Variants in TBC1D5 observed in about 807,000 individuals in gnomAD.
The protein encoded by TBC1D5 is TBC1 domain family, member 5.
TBC1D5 carries 75 observed loss-of-function variants against 100.3 expected under a neutral mutation model. The observed-to-expected ratio is 0.75, with a 90% CI of 0.62 to 0.91. The LOEUF is 0.91. Ranked by LOEUF, TBC1D5 falls within the 40% of genes least tolerant of loss-of-function variation. The probability of loss-of-function intolerance (pLI) is 0.00; values close to 1 mark genes in which losing one functional copy is unlikely to be tolerated. For missense variants in TBC1D5, 910 were observed against 942.4 expected (o/e 0.97, Z 0.45); for synonymous variants, 323 against 325.6 (o/e 0.99, Z 0.09).
chr3:17,243,991 G>GT (rs2076520709), intron 16 of TBC1D5, among the ~76,000 whole-genome samples: 1 of 152,170 alleles, frequency 6.6e-6, no homozygotes, highest in Non-Finnish European at 1.5e-5. Context: ...AACCCGAGGA[G>GT]TAAGTCCTAC....
chr3:17,214,729 C>T (rs908992325), intron 17 of TBC1D5, among the ~76,000 whole-genome samples: 1 of 151,234 alleles, frequency 6.6e-6, no homozygotes, highest in Non-Finnish European at 1.5e-5. Context: ...ATTACAGAAA[C>T]CAGAATCTAT....
At chr3:17,689,084 G>A (rs190248377) in intron 1 of TBC1D5, among the ~76,000 whole-genome samples, 1 of 151,996 alleles carries the variant, frequency 6.6e-6, no homozygotes, top group African/African-American at 2.4e-5. Flanking sequence ...ATATTTTCTA[G>A]AGTGATTTAC....
intron 4 of TBC1D5, among the ~76,000 whole-genome samples, chr3:17,410,175 T>C (rs1219132424): frequency 5.9e-5 from 9 of 152,142 alleles, no homozygotes; most frequent in Non-Finnish European, 1.2e-4. Flanking sequence ...TTAAGAATTA[T>C]GCCAAATCTA....
chr3:17,453,675 T>A (rs1241030802), intron 3 of TBC1D5, among the ~76,000 whole-genome samples: 1 of 152,052 alleles, frequency 6.6e-6, no homozygotes, highest in Non-Finnish European at 1.5e-5. Flanking sequence ...ACTGCTGAAT[T>A]CTACCAAACA....
chr3:17,474,637 A>G (rs1429084095), intron 3 of TBC1D5, among the ~76,000 whole-genome samples: 1 of 152,174 alleles, frequency 6.6e-6, no homozygotes, highest in Non-Finnish European at 1.5e-5. Context: ...CACATAAATA[A>G]AAACTTTATG....
At chr3:17,237,814 CTCATTTTGGATTCCTT>C (rs1210596539) in intron 17 of TBC1D5, among the ~76,000 whole-genome samples, 1 of 152,196 alleles carries the variant, frequency 6.6e-6, no homozygotes, top group Non-Finnish European at 1.5e-5. Flanking sequence ...ACCGGAACTT[CTCATTTTGGATTCCTT>C]TCTAGTGAGA....
intron 18 of TBC1D5, among the ~76,000 whole-genome samples, chr3:17,194,581 A>T (rs1402948247): frequency 6.6e-6 from 1 of 152,278 alleles, no homozygotes; most frequent in Non-Finnish European, 1.5e-5. Flanking sequence ...AAGGCTGTGT[A>T]TTAAGTATCA....
intron 3 of TBC1D5, among the ~76,000 whole-genome samples, chr3:17,454,073 C>T (rs539389882): frequency 6.6e-6 from 1 of 152,258 alleles, no homozygotes; most frequent in South Asian, 2.1e-4. Context: ...TTCCTTTTAT[C>T]CTCCAGGATA....
intron 2 of TBC1D5, among the ~76,000 whole-genome samples, chr3:17,519,981 A>G (rs919446311): frequency 6.6e-6 from 1 of 152,196 alleles, no homozygotes; most frequent in Non-Finnish European, 1.5e-5. Flanking sequence ...ATTATATACT[A>G]CTTGGTGAAA....
At position 17,265,885 on chromosome 3, in the gene TBC1D5, C is replaced by CTT. The variant is rs367863783; in HGVS notation, c.1246-7296_1246-7295dup. Among the ~76,000 whole-genome samples, 35 of 142,594 alleles carry CTT rather than the reference C, an allele frequency of 2.5e-4. No homozygotes were observed. The South Asian group carries it at 4.0e-3, about 16-fold the overall frequency. 93.5% of individuals were successfully genotyped at this position (142,594 alleles called of 152,430 possible). ...TATAGAAAACAAACACTGCCAATTG[C>CTT]TTTTTTTTTTTTTAACTGAAGGTAT... On this transcript the variant is annotated intron_variant, in intron 15 of 21. Transcript: ENST00000253692.
chr3:17,428,868 A>C (rs2094394763), intron 3 of TBC1D5, among the ~76,000 whole-genome samples: 1 of 151,922 alleles, frequency 6.6e-6, no homozygotes, highest in Non-Finnish European at 1.5e-5. Context: ...TAAGTCACCC[A>C]TCCTGATCAG....
chr3:17,530,849 T>C (rs146200482), intron 2 of TBC1D5, among the ~76,000 whole-genome samples: 11,595 of 152,208 alleles, frequency 0.076, 607 homozygotes, highest in Non-Finnish European at 0.12. Context: ...TAATAAGAGC[T>C]ATCTATGACA....
chr3:17,498,270 A>G (rs1421067166), intron 3 of TBC1D5, among the ~76,000 whole-genome samples: 1 of 151,362 alleles, frequency 6.6e-6, no homozygotes, highest in Non-Finnish European at 1.5e-5. Flanking sequence ...GTATTGTATG[A>G]AAAAAAAATG....
chr3:17,676,232 G>C (rs1284280704), intron 1 of TBC1D5, among the ~76,000 whole-genome samples: 1 of 152,100 alleles, frequency 6.6e-6, no homozygotes, highest in African/African-American at 2.4e-5. Context: ...TTGTACTGTT[G>C]TTATCTATTA....
intron 2 of TBC1D5, among the ~76,000 whole-genome samples, chr3:17,603,021 C>T (rs1043722355): frequency 1.3e-5 from 2 of 152,082 alleles, no homozygotes; most frequent in Admixed American, 1.3e-4. Context: ...TCTTCAAGTA[C>T]CAAATTAGCA....
chr3:17,713,567 A>G (rs2074960369), intron 1 of TBC1D5, among the ~76,000 whole-genome samples: 1 of 152,154 alleles, frequency 6.6e-6, no homozygotes. Flanking sequence ...TCAAACGACA[A>G]CTCAACAATT....
At chr3:17,404,937 C>T in exon 6 of TBC1D5, 1 of 1,597,394 alleles carries the variant, frequency 6.3e-7, no homozygotes, top group Non-Finnish European at 8.5e-7. Flanking sequence ...TGACTTTTGT[C>T]TTGAGGAAGA....
At chr3:17,295,564 A>G (rs1170813426) in intron 14 of TBC1D5, among the ~76,000 whole-genome samples, 1 of 152,254 alleles carries the variant, frequency 6.6e-6, no homozygotes, top group Non-Finnish European at 1.5e-5. Flanking sequence ...TGATATGCAG[A>G]AAAAGTAACT....
intron 18 of TBC1D5, among the ~76,000 whole-genome samples, chr3:17,197,676 T>C (rs1244977000): frequency 6.6e-6 from 1 of 152,172 alleles, no homozygotes; most frequent in African/African-American, 2.4e-5. Context: ...CTAGACTCCC[T>C]GTGGTTTTTA....
Sources: gnomAD v4.1 joint callset for allele counts (sites outside exome capture counted in the v4.1 genomes callset) on GRCh38, gnomAD v4.1.1 for gene constraint, MANE v1.5 for transcripts, NCBI Gene and HGNC (gene_info 2026-07-23, HGNC 2026-07-21) for gene names.